Variants in TMLHE observed in about 807,000 individuals in gnomAD.
The protein encoded by TMLHE is trimethyllysine hydroxylase, epsilon.
Under a neutral mutation model 25.7 loss-of-function variants are expected in TMLHE, and 18 were observed. That is an observed-to-expected ratio of 0.70 (90% CI 0.48 to 1.04). TMLHE has a LOEUF of 1.04. Among genes scored for constraint, TMLHE ranks in the 50% least tolerant of loss-of-function variants. The pLI, the probability that TMLHE is intolerant of heterozygous loss-of-function variation, is 0.00. For missense variants in TMLHE, 236 were observed against 259.0 expected, an observed-to-expected ratio of 0.91 and a Z score of 0.61; for synonymous variants, 105 against 97.0, an observed-to-expected ratio of 1.08 and a Z score of -0.49.
chrX:155,589,684 T>C (rs192087998), intron 1 of TMLHE, among the ~76,000 whole-genome samples: 2 of 111,476 alleles, frequency 1.8e-5, no homozygotes, highest in African/African-American at 6.5e-5. Context: ...GGTACCAACA[T>C]ACAGTTGAAT....
chrX:155,545,311 T>C (rs2067337834), intron 1 of TMLHE, 34 bp from the exon 2 acceptor site: 1 of 1,097,625 alleles, frequency 9.1e-7, no homozygotes, highest in African/African-American at 1.8e-5. Flanking sequence ...TTAGTAGTAA[T>C]ATACAACAAC....
intron 1 of TMLHE, among the ~76,000 whole-genome samples, chrX:155,592,922 G>A (rs1557346131): frequency 1.8e-5 from 2 of 111,778 alleles, no homozygotes; most frequent in Non-Finnish European, 1.9e-5. Flanking sequence ...ACTCCCCAAG[G>A]CCCCTTCCAG....
At chrX:155,566,696 A>G (rs1216478338) in intron 1 of TMLHE, among the ~76,000 whole-genome samples, 4 of 61,562 alleles carry the variant, frequency 6.5e-5, no homozygotes, top group African/African-American at 1.4e-4. Context: ...ACGCTGAGAG[A>G]GTAGGTATAT....
At chrX:155,548,780 T>C (rs1461975548) in intron 1 of TMLHE, among the ~76,000 whole-genome samples, 1 of 108,990 alleles carries the variant, frequency 9.2e-6, no homozygotes, top group Non-Finnish European at 1.9e-5. Flanking sequence ...AAGCAAACAA[T>C]ATGTGAGCAA....
intron 2 of TMLHE, among the ~76,000 whole-genome samples, chrX:155,532,153 T>G (rs1603034277): frequency 9.0e-6 from 1 of 111,518 alleles, no homozygotes; most frequent in Non-Finnish European, 1.9e-5. Flanking sequence ...GAACTCAGTT[T>G]CCATAAAATA....
intron 5 of TMLHE, among the ~76,000 whole-genome samples, chrX:155,510,270 T>C (rs2067099321): frequency 9.2e-6 from 1 of 108,712 alleles, no homozygotes; most frequent in East Asian, 2.8e-4. Context: ...TTATTATACT[T>C]TAAGTTTTAG....
intron 5 of TMLHE, among the ~76,000 whole-genome samples, chrX:155,508,626 T>C (rs1364962613): frequency 9.1e-6 from 1 of 110,012 alleles, no homozygotes; most frequent in Non-Finnish European, 1.9e-5. Flanking sequence ...TGAGGAAAAA[T>C]GGTCAGATAT....
At chrX:155,612,363 C>T (rs782028893) in intron 1 of TMLHE, 7 of 111,898 alleles carry the variant, frequency 6.3e-5, no homozygotes, top group Non-Finnish European at 1.3e-4. Flanking sequence ...ACCTTCCACT[C>T]TACTGCCGAA....
At chrX:155,512,310 CT>C (rs2067120471) in intron 4 of TMLHE, among the ~76,000 whole-genome samples, 1 of 101,624 alleles carries the variant, frequency 9.8e-6, no homozygotes, top group East Asian at 3.0e-4. Flanking sequence ...AATGCTATCC[CT>C]CCCCCCTTCC....
At chrX:155,532,143 G>A (rs1288765635) in intron 2 of TMLHE, among the ~76,000 whole-genome samples, 1 of 111,320 alleles carries the variant, frequency 9.0e-6, no homozygotes, top group Non-Finnish European at 1.9e-5. Flanking sequence ...GGGGACATGA[G>A]AACTCAGTTT....
intron 1 of TMLHE, among the ~76,000 whole-genome samples, chrX:155,560,235 C>T (rs1557341601): frequency 9.0e-6 from 1 of 110,853 alleles, no homozygotes; most frequent in African/African-American, 3.3e-5. Flanking sequence ...CCTGCTCGTT[C>T]CTTAGGTCTC....
intron 1 of TMLHE, among the ~76,000 whole-genome samples, chrX:155,548,457 T>G (rs78455779): frequency 6.3e-5 from 7 of 110,715 alleles, no homozygotes; most frequent in East Asian, 2.9e-4. Flanking sequence ...TCCTACAGGC[T>G]GGGCACGGTG....
chrX:155,586,262 A>G (rs781979531), intron 1 of TMLHE, among the ~76,000 whole-genome samples: 23 of 110,774 alleles, frequency 2.1e-4, no homozygotes, highest in Middle Eastern at 4.7e-3. Context: ...ATTAAACAAA[A>G]AGCTCCTAGA....
intron 1 of TMLHE, among the ~76,000 whole-genome samples, chrX:155,551,108 T>C (rs1270285825): frequency 9.0e-6 from 1 of 110,700 alleles, no homozygotes; most frequent in African/African-American, 3.3e-5. Context: ...CCAAAATAAA[T>C]ATTTTTAATA....
chrX:155,525,105 A>G (rs2067211659), intron 2 of TMLHE, among the ~76,000 whole-genome samples: 1 of 111,422 alleles, frequency 9.0e-6, no homozygotes, highest in South Asian at 3.8e-4. Context: ...TGCGTAGAGG[A>G]TATATATATG....
chrX:155,552,785 C>T (rs1159102351), intron 1 of TMLHE, among the ~76,000 whole-genome samples: 1 of 109,737 alleles, frequency 9.1e-6, no homozygotes, highest in Admixed American at 9.7e-5. Flanking sequence ...TTTCCAATTC[C>T]CTGAGATGGA....
intron 2 of TMLHE, among the ~76,000 whole-genome samples, chrX:155,532,080 A>C (rs1473863558): frequency 1.8e-5 from 2 of 112,026 alleles, no homozygotes; most frequent in East Asian, 5.6e-4. Context: ...TACACAAAAC[A>C]AACAAATACA....
At chrX:155,543,410 C>A (rs2067324639) in intron 2 of TMLHE, among the ~76,000 whole-genome samples, 1 of 110,960 alleles carries the variant, frequency 9.0e-6, no homozygotes, top group African/African-American at 3.3e-5. Flanking sequence ...AAAAAGAAAT[C>A]AAGAAAACAA....
chrX:155,607,258 G>T (rs782315707), intron 1 of TMLHE, among the ~76,000 whole-genome samples: 1 of 112,025 alleles, frequency 8.9e-6, no homozygotes, highest in African/African-American at 3.2e-5. Context: ...GGGATGCAAG[G>T]TTGGTTCAAT....
Sources: gnomAD v4.1 joint callset for allele counts (sites outside exome capture counted in the v4.1 genomes callset) on GRCh38, gnomAD v4.1.1 for gene constraint, MANE v1.5 for transcripts, NCBI Gene and HGNC (gene_info 2026-07-23, HGNC 2026-07-21) for gene names.